Variants in CETN3 observed in about 807,000 individuals in gnomAD.
CETN3 encodes centrin 3.
In CETN3, 17 loss-of-function variants were observed where a neutral mutation model predicts 20.1. The ratio of observed to expected loss-of-function variants is 0.85; its 90% confidence interval spans 0.58 to 1.27. CETN3 has a LOEUF of 1.27. Ranked by LOEUF, CETN3 falls within the 50% of genes most tolerant of loss-of-function variation. The pLI is 0.00. For synonymous variants in CETN3, 52 were observed against 59.7 expected (o/e 0.87, Z 0.59); for missense variants, 169 against 191.2 (o/e 0.88, Z 0.69).
intron 2 of CETN3, 66 bp downstream of exon 2, chr5:90,407,633 G>C (rs1749486316): frequency 8.9e-7 from 1 of 1,120,452 alleles, no homozygotes; most frequent in Admixed American, 3.6e-5. Context: ...GAAATGTAAT[G>C]TAAAGCAACT....
At chr5:90,405,487 A>G (rs776757074) in intron 3 of CETN3, 198 bp downstream of exon 3, 1 of 531,080 alleles carries the variant, frequency 1.9e-6, no homozygotes, top group African/African-American at 2.0e-5. Context: ...AACAAAAGAC[A>G]AAACTATAAA....
Position 90,403,623 on chromosome 5 carries a change from G to A in CETN3, c.268+2062C>T, listed in dbSNP as rs560282000. 3.9e-5 allele frequency among the ~76,000 whole-genome samples: 6 copies of A among 152,152 alleles called. No individual in the cohort carries two copies. The East Asian group carries it at 5.8e-4, about 15-fold the overall frequency. ...GCGGTGGCTCACGCCTGTAATCCCA[G>A]CACTTTGGGAGGCCGAGGCGGGCGG... On this transcript the variant is annotated intron_variant, in intron 3 of 4. Transcript: ENST00000283122.
At chr5:90,409,143 G>C (rs998107101) in intron 1 of CETN3, among the ~76,000 whole-genome samples, 1 of 152,162 alleles carries the variant, frequency 6.6e-6, no homozygotes. Context: ...AAATCCAAGA[G>C]ACAGACTGCC....
chr5:90,401,705 C>T (rs1749295761), intron 3 of CETN3, among the ~76,000 whole-genome samples: 1 of 152,120 alleles, frequency 6.6e-6, no homozygotes, highest in South Asian at 2.1e-4. Flanking sequence ...CCACTACCAC[C>T]ATAGTAACTG....
intron 4 of CETN3, among the ~76,000 whole-genome samples, chr5:90,394,606 TA>T (rs1413258563): frequency 6.6e-6 from 1 of 151,930 alleles, no homozygotes; most frequent in Non-Finnish European, 1.5e-5. Context: ...TTTGAACTTT[TA>T]TATACTTAAA....
chr5:90,399,478 C>T lies in CETN3; in HGVS notation c.340G>A (p.Asp114Asn), dbSNP rs139735722. 8 of 1,613,586 alleles carry T rather than the reference C, an allele frequency of 5.0e-6. No individual in the cohort carries two copies. Among genetic ancestry groups the T allele is most frequent in the Non-Finnish European group, 6.8e-6 (8 of 1,179,618 alleles). ...TTCCTCAAGCTTATTTTACCTGAATCATCATCATCAAATAGTTTAAATGCC... is the reference window on the plus strand; with the variant it reads ...TTCCTCAAGCTTATTTTACCTGAATTATCATCATCAAATAGTTTAAATGCC... Reference protein sequence around the residue: ...LKAFKLFDDDDSGKISLRNLR... With the variant: ...LKAFKLFDDDNSGKISLRNLR... Residue 114 changes from aspartate (D) to asparagine (N), a missense_variant, in exon 4 of 5, where the codon GAT (aspartate) becomes AAT (asparagine). By Grantham distance (23) the Asp-to-Asn change is conservative (BLOSUM62 1). Coordinates refer to ENST00000283122, the MANE Select transcript of CETN3 (RefSeq NM_004365.4).
Position 90,406,851 on chromosome 5 carries a change from A to C in CETN3, c.153+848T>G, listed in dbSNP as rs1286635993. On this transcript the variant is annotated intron_variant, in intron 2 of 4. Coordinates refer to ENST00000283122, the MANE Select transcript of CETN3 (RefSeq NM_004365.4). The stretch of plus-strand genomic sequence containing the variant: ...CAAATCTGGGTAACCAAAAAAAAAA[A>C]AAAACAAAAAAAACAGTGGGAAAAG... 2.1e-5 allele frequency among the ~76,000 whole-genome samples: 3 copies of C among 144,690 alleles called. 1 individual carries two copies. Among genetic ancestry groups the C allele is most frequent in the South Asian group, 4.2e-4 (2 of 4,768 alleles). 94.9% of individuals were successfully genotyped at this position (144,690 alleles called of 152,430 possible).
chr5:90,405,637 G>A lies in CETN3; in HGVS notation c.268+48C>T, dbSNP rs1450651693. 7.4e-6 allele frequency: 9 copies of A among 1,222,064 alleles called. No individual in the cohort carries two copies. In the East Asian group the frequency reaches 2.1e-4, roughly 29 times the overall value. The allele number at this position is 1,222,064 out of a possible 1,614,324, so 75.7% of individuals were successfully genotyped here. ...AAAATTTAAAAAGTGATATTAATCA[G>A]ACAATTTCCTAACAGCTGCTGATTA... On this transcript the variant is annotated intron_variant, in intron 3 of 4. Transcript: ENST00000283122.
intron 3 of CETN3, among the ~76,000 whole-genome samples, chr5:90,401,270 A>G (rs2151882885): frequency 6.6e-6 from 1 of 152,312 alleles, no homozygotes; most frequent in South Asian, 2.1e-4. Context: ...CAAAAACATT[A>G]CCTAATATAT....
chr5:90,394,200 A>T, intron 4 of CETN3, 93 bp from the exon 5 acceptor site: 2 of 793,758 alleles, frequency 2.5e-6, no homozygotes, highest in South Asian at 1.8e-5. Flanking sequence ...TATTTAAAAA[A>T]TTTTACATTA....
chr5:90,408,383 G>A (rs1354787188), intron 1 of CETN3, among the ~76,000 whole-genome samples: 2 of 152,104 alleles, frequency 1.3e-5, no homozygotes, highest in South Asian at 2.1e-4. Flanking sequence ...TAGATTACAC[G>A]TTTTTAACAG....
intron 3 of CETN3, among the ~76,000 whole-genome samples, chr5:90,405,227 T>C (rs1232727535): frequency 1.3e-5 from 2 of 152,164 alleles, no homozygotes; most frequent in Admixed American, 6.5e-5. Flanking sequence ...GTGCATTTCA[T>C]CTACAGCCAA....
rs1423045246 is a variant in CETN3, at chr5:90,409,631, T to A, written c.17+14A>T. The A allele has an allele frequency of 3.7e-6, 6 of 1,613,792 alleles. No homozygotes were observed. Among genetic ancestry groups the A allele is most frequent in the African/African-American group, 1.3e-5 (1 of 74,832 alleles). ...CCGGGGTGTGGAGAGCACTGCCGCC[T>A]CCTTATTACCGACCTCAGAGCTAAA... On this transcript the variant is annotated intron_variant, in intron 1 of 4. Transcript: ENST00000283122.
intron 2 of CETN3, among the ~76,000 whole-genome samples, chr5:90,406,811 AT>A (rs1216230688): frequency 7.1e-6 from 1 of 141,572 alleles, no homozygotes; most frequent in African/African-American, 2.5e-5. Context: ...TGGAACAGAC[AT>A]TATAAAGGAA....
chr5:90,409,552 T>G, intron 1 of CETN3, 93 bp downstream of exon 1: 2 of 1,477,758 alleles, frequency 1.4e-6, no homozygotes, highest in Admixed American at 3.4e-5. Context: ...ATCCCCTGCC[T>G]CGCCTCGGCC....
At chr5:90,405,842 A>G (rs1749425342) in intron 2 of CETN3, 43 bp from the exon 3 acceptor site, 1 of 1,181,568 alleles carries the variant, frequency 8.5e-7, no homozygotes, top group Admixed American at 2.1e-5. Flanking sequence ...AGCACTCTTT[A>G]CAAAAGAATT....
At chr5:90,397,102 C>T (rs1001592001) in intron 4 of CETN3, among the ~76,000 whole-genome samples, 1 of 152,032 alleles carries the variant, frequency 6.6e-6, no homozygotes, top group African/African-American at 2.4e-5. Context: ...CATCCTTAAG[C>T]GACTTGGAAC....
chr5:90,394,325 A>T (rs1422038120), intron 4 of CETN3, among the ~76,000 whole-genome samples: 1 of 152,074 alleles, frequency 6.6e-6, no homozygotes, highest in Non-Finnish European at 1.5e-5. Flanking sequence ...TGTGATAAAC[A>T]TTACAAATTA....
intron 4 of CETN3, among the ~76,000 whole-genome samples, chr5:90,395,495 GGCTAATCGTT>G (rs1487004455): frequency 3.3e-5 from 5 of 151,852 alleles, no homozygotes; most frequent in Non-Finnish European, 5.9e-5. Context: ...TTATGAGACT[GGCTAATCGTT>G]GTATTTTTGG....
Sources: allele counts gnomAD v4.1 joint callset (sites outside exome capture counted in the v4.1 genomes callset), GRCh38; gene constraint gnomAD v4.1.1; transcripts MANE v1.5; gene names NCBI Gene and HGNC (gene_info 2026-07-23, HGNC 2026-07-21).